The following DCP1A variants were observed in gnomAD, a reference collection of about 807,000 sequenced individuals.
The protein encoded by DCP1A is mRNA-decapping enzyme 1A.
DCP1A carries 20 observed loss-of-function variants against 58.0 expected under a neutral mutation model. That is an observed-to-expected ratio of 0.34 (90% CI 0.24 to 0.50). The LOEUF (loss-of-function observed/expected upper bound fraction) is 0.50. Among genes scored for constraint, DCP1A ranks in the 20% least tolerant of loss-of-function variants. DCP1A has a pLI of 0.98. For synonymous variants in DCP1A, 285 were observed against 275.1 expected (o/e 1.04, Z -0.36); for missense variants, 613 against 712.2 (o/e 0.86, Z 1.59).
intron 3 of DCP1A, among the ~76,000 whole-genome samples, chr3:53,335,290 G>A (rs1046968082): frequency 4.6e-5 from 7 of 151,922 alleles, no homozygotes; most frequent in Non-Finnish European, 5.9e-5. Flanking sequence ...ACAGGTGCCC[G>A]CCACCAGGCC....
At chr3:53,315,753 T>G (rs1443855306) in intron 4 of DCP1A, among the ~76,000 whole-genome samples, 4 of 108,962 alleles carry the variant, frequency 3.7e-5, no homozygotes, top group African/African-American at 1.5e-4. Flanking sequence ...TGTTTTTTTT[T>G]TTTGTTTTTT....
chr3:53,328,595 T>C (rs1708175695), intron 3 of DCP1A, among the ~76,000 whole-genome samples: 1 of 152,018 alleles, frequency 6.6e-6, no homozygotes, highest in African/African-American at 2.4e-5. Flanking sequence ...AATTAGTGAA[T>C]CATAATGAAA....
intron 6 of DCP1A, among the ~76,000 whole-genome samples, chr3:53,303,649 C>T (rs1174173215): frequency 1.3e-5 from 2 of 152,136 alleles, no homozygotes; most frequent in Non-Finnish European, 2.9e-5. Flanking sequence ...GGAGCAAGCC[C>T]TATCTGGGAG....
rs566861048 is a variant in DCP1A, at chr3:53,320,280, G to A, written c.305-807C>T. Among the ~76,000 whole-genome samples the A allele has an allele frequency of 3.9e-5, 6 of 152,162 alleles. No individual in the cohort carries two copies. In the South Asian group the frequency reaches 1.2e-3, roughly 32 times the overall value. On this transcript the variant is annotated intron_variant, in intron 3 of 9. Coordinates refer to ENST00000610213, the MANE Select transcript of DCP1A (RefSeq NM_018403.7). ...TCCCATTCTTTTTATTCCCAATATG[G>A]TGCTCAGTTCAAAGAAAGCCCTAAA...
chr3:53,328,637 T>C (rs1160226737), intron 3 of DCP1A, among the ~76,000 whole-genome samples: 1 of 152,204 alleles, frequency 6.6e-6, no homozygotes, highest in Non-Finnish European at 1.5e-5. Context: ...GAAATGTTCA[T>C]GGATTTACAA....
chr3:53,325,063 T>G (rs1553690445), intron 3 of DCP1A, among the ~76,000 whole-genome samples: 1 of 152,230 alleles, frequency 6.6e-6, no homozygotes. Context: ...TGAACTATTT[T>G]GTATTGAGAA....
chr3:53,303,162 G>A (rs1432939358), intron 6 of DCP1A, among the ~76,000 whole-genome samples: 5 of 152,094 alleles, frequency 3.3e-5, no homozygotes, highest in African/African-American at 1.2e-4. Context: ...TGCTGCCCAG[G>A]CTGGTCTCTA....
intron 3 of DCP1A, chr3:53,338,243 G>A (rs541437293): frequency 2.8e-6 from 1 of 351,632 alleles, no homozygotes; most frequent in South Asian, 2.0e-5. Context: ...CAATCCCACT[G>A]GGGTCTTGTG....
At chr3:53,292,036 C>T (rs782347448) in intron 7 of DCP1A, 33 bp downstream of exon 7, 8 of 1,571,738 alleles carry the variant, frequency 5.1e-6, no homozygotes, top group Middle Eastern at 2.0e-4. Flanking sequence ...TTACAGTTAC[C>T]CACTCTGCCC....
chr3:53,329,544 T>C (rs910708812), intron 3 of DCP1A: 1 of 392,280 alleles, frequency 2.5e-6, no homozygotes, highest in Non-Finnish European at 4.5e-6. Context: ...AAGAGCAACA[T>C]ATTAGACTAG....
At chr3:53,319,315 G>A in intron 4 of DCP1A, 92 bp downstream of exon 4, 2 of 801,898 alleles carry the variant, frequency 2.5e-6, no homozygotes, top group Admixed American at 2.8e-5. Context: ...AAATACATGA[G>A]TTGGCAGACT....
At chr3:53,312,729 C>T (rs1443191621) in intron 4 of DCP1A, among the ~76,000 whole-genome samples, 3 of 152,056 alleles carry the variant, frequency 2.0e-5, no homozygotes, top group African/African-American at 7.2e-5. Flanking sequence ...CTCCTGACCT[C>T]GTGATCTGCC....
chr3:53,291,719 T>A (rs1706882421), intron 7 of DCP1A, among the ~76,000 whole-genome samples: 1 of 152,208 alleles, frequency 6.6e-6, no homozygotes. Flanking sequence ...TTATGGCACC[T>A]CTAGGGTACT....
intron 6 of DCP1A, among the ~76,000 whole-genome samples, chr3:53,298,230 C>A (rs1553686996): frequency 6.6e-6 from 1 of 152,122 alleles, no homozygotes; most frequent in Non-Finnish European, 1.5e-5. Context: ...CAAACACACA[C>A]ACCTACTTTA....
intron 3 of DCP1A, among the ~76,000 whole-genome samples, chr3:53,323,810 C>T (rs554962302): frequency 3.5e-5 from 5 of 144,832 alleles, no homozygotes; most frequent in South Asian, 4.4e-4. Flanking sequence ...TGCAGTGAGC[C>T]GAGATCGCAC....
intron 4 of DCP1A, 32 bp downstream of exon 4, chr3:53,319,375 C>A: frequency 1.5e-6 from 2 of 1,332,498 alleles, no homozygotes; most frequent in South Asian, 1.4e-5. Context: ...TCTCACATAT[C>A]ATCAGTTAAA....
chr3:53,302,236 T>C lies in DCP1A; in HGVS notation c.624+1941A>G, dbSNP rs184050201. The stretch of plus-strand genomic sequence containing the variant: ...AATGGGCAAATGGGTAATGGGTACA[T>C]AGGATCTTTCTGCATTATTTCTTAC... On this transcript the variant is annotated intron_variant, in intron 6 of 9. Coordinates refer to ENST00000610213, the MANE Select transcript of DCP1A (RefSeq NM_018403.7). Among the ~76,000 whole-genome samples the C allele has an allele frequency of 1.8e-4, 28 of 152,348 alleles. No homozygotes were observed. The East Asian group carries it at 2.9e-3, about 16-fold the overall frequency.
At chr3:53,306,770 C>CAAAAAA (rs1169051475) in intron 5 of DCP1A, among the ~76,000 whole-genome samples, 2 of 34,626 alleles carry the variant, frequency 5.8e-5, no homozygotes, top group African/African-American at 2.0e-4. Flanking sequence ...GACTCCGTCT[C>CAAAAAA]AAAAAAAAAA....
chr3:53,318,742 C>T (rs1484233397), intron 4 of DCP1A, among the ~76,000 whole-genome samples: 3 of 152,142 alleles, frequency 2.0e-5, no homozygotes, highest in African/African-American at 7.2e-5. Context: ...TTCTGAGTCA[C>T]AAAAAATCTT....
Sources: gnomAD v4.1 joint callset for allele counts (sites outside exome capture counted in the v4.1 genomes callset) on GRCh38, gnomAD v4.1.1 for gene constraint, MANE v1.5 for transcripts, NCBI Gene and HGNC (gene_info 2026-07-23, HGNC 2026-07-21) for gene names.